CT45A1: variants seen among roughly 807,000 people sequenced by gnomAD.
CT45A1 encodes cancer/testis antigen 45-1.
At chrX:135,712,971 T>TTCTTTCTTTCTC (rs2087945647), upstream of CT45A1, among the ~76,000 whole-genome samples, 1 of 74,731 alleles carries the variant, frequency 1.3e-5, no homozygotes, top group Non-Finnish European at 2.6e-5. Context: ...CTTTCTTTCT[T>TTCTTTCTTTCTC]TCTTTTCTTT....
At chrX:135,716,608 A>G (rs781857811) in intron 1 of CT45A1, among the ~76,000 whole-genome samples, 1 of 111,718 alleles carries the variant, frequency 9.0e-6, no homozygotes, top group South Asian at 3.7e-4. Context: ...ATCTACAAAC[A>G]TGATTTGGTT....
intron 1 of CT45A1, among the ~76,000 whole-genome samples, chrX:135,718,363 G>A (rs1271755198): frequency 9.0e-6 from 1 of 110,781 alleles, no homozygotes; most frequent in African/African-American, 3.3e-5. Flanking sequence ...TTTTTGGCTT[G>A]ATCTTGTAGT....
chrX:135,709,770 G>T (rs113662171), upstream of CT45A1, among the ~76,000 whole-genome samples: 4 of 111,094 alleles, frequency 3.6e-5, no homozygotes, highest in Non-Finnish European at 7.5e-5. Flanking sequence ...CCTATTGGAT[G>T]CTCTCTTCAC....
intron 1 of CT45A1, among the ~76,000 whole-genome samples, chrX:135,713,897 C>T (rs1312831275): frequency 2.8e-5 from 3 of 107,818 alleles, no homozygotes; most frequent in East Asian, 2.9e-4. Flanking sequence ...TCCTTGGGCA[C>T]CTCGTCTCAG....
intron 1 of CT45A1, among the ~76,000 whole-genome samples, chrX:135,717,534 G>A (rs2087997463): frequency 9.7e-6 from 1 of 103,587 alleles, no homozygotes; most frequent in African/African-American, 3.4e-5. Context: ...GGGCGACAGA[G>A]GGAGGCTCCG....
chrX:135,710,777 C>T (rs1428062116), upstream of CT45A1, among the ~76,000 whole-genome samples: 1 of 112,453 alleles, frequency 8.9e-6, no homozygotes, highest in Non-Finnish European at 1.9e-5. Context: ...CTGAGGATAC[C>T]CTTTGCTGAG....
chrX:135,712,903 CTTCTTTCT>C (rs201723433), upstream of CT45A1, among the ~76,000 whole-genome samples: 1 of 107,155 alleles, frequency 9.3e-6, no homozygotes, highest in Non-Finnish European at 1.9e-5. Flanking sequence ...TTCTTTCTTT[CTTCTTTCT>C]TTCTTTCTTT....
chrX:135,714,889 T>C (rs1385441552), intron 1 of CT45A1, among the ~76,000 whole-genome samples: 4 of 106,770 alleles, frequency 3.7e-5, no homozygotes, highest in Non-Finnish European at 5.8e-5. Flanking sequence ...TTTAACTATG[T>C]CTTTCATGAA....
chrX:135,715,783 C>T (rs1556571424), intron 1 of CT45A1, among the ~76,000 whole-genome samples: 1 of 106,438 alleles, frequency 9.4e-6, no homozygotes, highest in Admixed American at 1.1e-4. Flanking sequence ...TAGACACATG[C>T]CATGGTGGTT....
At chrX:135,715,842 A>G (rs2087985108) in intron 1 of CT45A1, among the ~76,000 whole-genome samples, 1 of 106,368 alleles carries the variant, frequency 9.4e-6, no homozygotes, top group African/African-American at 3.4e-5. Flanking sequence ...CTCTAATGCT[A>G]TCCCTCCCCA....
intron 1 of CT45A1, among the ~76,000 whole-genome samples, chrX:135,714,508 G>C (rs1244875448): frequency 9.1e-6 from 1 of 109,592 alleles, no homozygotes; most frequent in Non-Finnish European, 1.9e-5. Context: ...TCTCAATTCT[G>C]AAGGAACTCT....
upstream of CT45A1, among the ~76,000 whole-genome samples, chrX:135,712,929 T>TTTTTTTTTCTTTC (rs1556570037): frequency 4.8e-5 from 3 of 62,927 alleles, no homozygotes; most frequent in Non-Finnish European, 8.2e-5. Context: ...TTTTCTTTTC[T>TTTTTTTTTCTTTC]TTTCTTTTTT....
At chrX:135,709,391 GT>G (rs2087923159), upstream of CT45A1, among the ~76,000 whole-genome samples, 1 of 112,077 alleles carries the variant, frequency 8.9e-6, no homozygotes, top group African/African-American at 3.2e-5. Context: ...GACTCCCAAA[GT>G]GCTGGGATTA....
intron 1 of CT45A1, among the ~76,000 whole-genome samples, chrX:135,716,774 A>C (rs1168960555): frequency 9.1e-6 from 1 of 110,071 alleles, no homozygotes; most frequent in Non-Finnish European, 1.9e-5. Flanking sequence ...AGTGTTTACT[A>C]GATTGTCTAT....
intron 1 of CT45A1, among the ~76,000 whole-genome samples, chrX:135,714,437 CCA>C (rs1338439017): frequency 3.7e-5 from 4 of 109,010 alleles, no homozygotes; most frequent in Non-Finnish European, 7.6e-5. Context: ...ATGAGGGAGG[CCA>C]CGTGACCTTG....
chrX:135,710,115 T>C (rs1342426879), upstream of CT45A1: 2 of 116,249 alleles, frequency 1.7e-5, no homozygotes, highest in African/African-American at 6.4e-5. Context: ...CTATAGATTT[T>C]ACAGAGTTAA....
At position 135,717,632 on chromosome X, in the gene CT45A1, T is replaced by C. The variant is rs781802243; in HGVS notation, c.-6-1303T>C. Among the ~76,000 whole-genome samples the C allele has an allele frequency of 2.7e-5, 3 of 112,219 alleles. No homozygotes were observed. The South Asian group carries it at 1.1e-3, about 41-fold the overall frequency. Reference sequence around the variant, plus strand: ...GTCTTGAATTTCTCTGAGTGATGTTTTATAATTTTTGTGTAGTGCTGTACC... The same window carrying C: ...GTCTTGAATTTCTCTGAGTGATGTTCTATAATTTTTGTGTAGTGCTGTACC... On this transcript the variant is annotated intron_variant, in intron 1 of 4. Transcript: ENST00000594565.
chrX:135,715,200 T>TATATATA (rs1556570853), intron 1 of CT45A1, among the ~76,000 whole-genome samples: 1 of 89,608 alleles, frequency 1.1e-5, no homozygotes, highest in South Asian at 4.7e-4. Context: ...GCCATTACTA[T>TATATATA]TATATATATA....
At chrX:135,715,296 ACTT>A (rs2087971582) in intron 1 of CT45A1, among the ~76,000 whole-genome samples, 41 of 84,283 alleles carry the variant, frequency 4.9e-4, no homozygotes, top group African/African-American at 1.8e-3. Flanking sequence ...TATATATAAT[ACTT>A]ATATATACAA....
Sources: allele counts gnomAD v4.1 joint callset (sites outside exome capture counted in the v4.1 genomes callset), GRCh38; gene constraint gnomAD v4.1.1; transcripts MANE v1.5; gene names NCBI Gene and HGNC (gene_info 2026-07-23, HGNC 2026-07-21).